The following AHCY variants were observed in gnomAD, a reference collection of about 807,000 sequenced individuals.
The protein encoded by AHCY is adenosylhomocysteinase, also known as S-adenosyl-L-homocysteine hydrolase.
AHCY carries 24 observed loss-of-function variants against 45.4 expected under a neutral mutation model. That is an observed-to-expected ratio of 0.53 (90% CI 0.38 to 0.74). The LOEUF is 0.74. AHCY is among the 30% of genes least tolerant of loss of function. The pLI is 0.00. For synonymous variants in AHCY, 245 were observed against 235.1 expected, an observed-to-expected ratio of 1.04 and a Z score of -0.39; for missense variants, 449 against 594.1, an observed-to-expected ratio of 0.76 and a Z score of 2.54.
chr20:34,304,580 C>T (rs1225895686), upstream of AHCY, among the ~76,000 whole-genome samples: 1 of 151,294 alleles, frequency 6.6e-6, no homozygotes, highest in Non-Finnish European at 1.5e-5. Context: ...AGTGCAGTGG[C>T]ACCATCTAGG....
intron 5 of AHCY, 47 bp downstream of exon 5, chr20:34,291,372 T>G (rs754894862): frequency 8.5e-6 from 13 of 1,537,816 alleles, no homozygotes; most frequent in Non-Finnish European, 1.2e-5. Context: ...GGCCTCGTCC[T>G]GAGCTGCAGC....
At chr20:34,266,686 C>T in the AHCY span, among the ~76,000 whole-genome samples, 2 of 151,988 alleles carry the variant, frequency 1.3e-5, no homozygotes, top group Non-Finnish European at 1.5e-5. Flanking sequence ...AACAAACAAA[C>T]AAACAAACAA....
chr20:34,255,049 C>T, the AHCY span, among the ~76,000 whole-genome samples: 5 of 152,280 alleles, frequency 3.3e-5, no homozygotes, highest in East Asian at 9.6e-4. Flanking sequence ...CTCCTGCCTA[C>T]CCATTGTGCA....
chr20:34,297,293 A>T (rs1214109289), intron 1 of AHCY, among the ~76,000 whole-genome samples: 1 of 151,816 alleles, frequency 6.6e-6, no homozygotes, highest in East Asian at 1.9e-4. Context: ...TAATTAATTA[A>T]TTAATTAATT....
At position 34,281,776 on chromosome 20, in the gene AHCY, C is replaced by T. The variant is rs74967854; in HGVS notation, c.1168-611G>A. ...TTCTACATCCCAGGTTCAAGTGATT[C>T]TCCTGCCTCAGCCTCCCGAGGAGCT... On this transcript the variant is annotated intron_variant, in intron 9 of 9. Transcript: ENST00000217426. 2.5e-3 allele frequency: 415 copies of T among 166,966 alleles called. 17 individuals carry two copies. The East Asian group carries it at 0.064, about 26-fold the overall frequency. The allele number at this position is 166,966 out of a possible 1,614,324, so 10.3% of individuals were successfully genotyped here.
At chr20:34,271,240 C>T in the AHCY span, among the ~76,000 whole-genome samples, 1 of 152,134 alleles carries the variant, frequency 6.6e-6, no homozygotes, top group Non-Finnish European at 1.5e-5. Context: ...CCACGCCCCA[C>T]CTCCTTCTCC....
chr20:34,281,637 G>T, intron 9 of AHCY: 1 of 219,004 alleles, frequency 4.6e-6, no homozygotes, highest in African/African-American at 2.3e-5. Flanking sequence ...ATGATGACAC[G>T]GAATCCTAGG....
intron 9 of AHCY, among the ~76,000 whole-genome samples, chr20:34,283,741 A>G (rs2122721924): frequency 6.6e-6 from 1 of 152,302 alleles, no homozygotes; most frequent in African/African-American, 2.4e-5. Flanking sequence ...TGAGGTCCTT[A>G]TGAGTAAAAT....
chr20:34,284,390 G>C (rs2036102153), intron 9 of AHCY, among the ~76,000 whole-genome samples: 1 of 151,986 alleles, frequency 6.6e-6, no homozygotes, highest in African/African-American at 2.4e-5. Flanking sequence ...TCCAACTTCT[G>C]ACCTCAAATG....
the AHCY span, among the ~76,000 whole-genome samples, chr20:34,266,674 AAAAC>A: frequency 3.9e-5 from 6 of 152,178 alleles, no homozygotes; most frequent in Non-Finnish European, 5.9e-5. Context: ...CTCCATCTCA[AAAAC>A]AAACAAACAA....
chr20:34,292,575 G>A (rs2036435677), intron 3 of AHCY, 68 bp from the exon 4 acceptor site: 1 of 1,609,046 alleles, frequency 6.2e-7, no homozygotes, highest in Non-Finnish European at 8.5e-7. Flanking sequence ...AACAACTCTG[G>A]CAGAGCCAAA....
upstream of AHCY, among the ~76,000 whole-genome samples, chr20:34,306,079 C>CAA (rs56039506): frequency 2.3e-4 from 24 of 103,102 alleles, no homozygotes; most frequent in East Asian, 3.8e-3. Context: ...AAGACTGCCT[C>CAA]AAAAAAAAAA....
the AHCY span, among the ~76,000 whole-genome samples, chr20:34,244,828 G>C: frequency 6.6e-6 from 1 of 152,126 alleles, no homozygotes; most frequent in Non-Finnish European, 1.5e-5. Flanking sequence ...CCCGTAGGGT[G>C]GACTTTGTAA....
the AHCY span, among the ~76,000 whole-genome samples, chr20:34,258,722 A>T: frequency 2.1e-5 from 1 of 46,804 alleles, no homozygotes; most frequent in South Asian, 8.2e-4. Context: ...TATATATTAT[A>T]AAATATATAT....
chr20:34,232,141 G>A, the AHCY span, among the ~76,000 whole-genome samples: 1 of 152,152 alleles, frequency 6.6e-6, no homozygotes, highest in Non-Finnish European at 1.5e-5. Flanking sequence ...ACTGAGTTTG[G>A]GGAACCCACA....
At chr20:34,305,184 C>T (rs2036881906), upstream of AHCY, among the ~76,000 whole-genome samples, 2 of 149,562 alleles carry the variant, frequency 1.3e-5, no homozygotes, top group South Asian at 4.2e-4. Context: ...ATTAGCTGGG[C>T]GTGGTGTCGG....
intron 3 of AHCY, 51 bp downstream of exon 3, chr20:34,294,030 A>T: frequency 6.4e-7 from 1 of 1,567,086 alleles, no homozygotes; most frequent in Non-Finnish European, 8.8e-7. Context: ...TGAAGCAAAG[A>T]GGGCAGAATC....
chr20:34,233,143 CTTT>C, the AHCY span, among the ~76,000 whole-genome samples: 17 of 100,302 alleles, frequency 1.7e-4, no homozygotes, highest in Non-Finnish European at 1.5e-4. Context: ...GGGACAAGAG[CTTT>C]TTTTTTTTTT....
chr20:34,311,163 CAT>C (rs1164637308), intron 1 of AHCY, among the ~76,000 whole-genome samples: 5 of 152,234 alleles, frequency 3.3e-5, no homozygotes, highest in Admixed American at 3.3e-4. Context: ...AACAACAAAA[CAT>C]ATAATGAAGG....
Sources: allele counts gnomAD v4.1 joint callset (sites outside exome capture counted in the v4.1 genomes callset), GRCh38; gene constraint gnomAD v4.1.1; transcripts MANE v1.5; gene names NCBI Gene and HGNC (gene_info 2026-07-23, HGNC 2026-07-21).